ATP2B2: variants seen among roughly 807,000 people sequenced by gnomAD.
ATP2B2 encodes the protein ATPase plasma membrane Ca2+ transporting 2.
Under a neutral mutation model 120.0 loss-of-function variants are expected in ATP2B2, and 15 were observed. The ratio of observed to expected loss-of-function variants is 0.12; its 90% CI spans 0.08 to 0.19. ATP2B2 has a LOEUF of 0.19. Ranked by LOEUF, ATP2B2 falls within the 10% of genes least tolerant of loss-of-function variation. The pLI is 1.00. For synonymous variants in ATP2B2, 694 were observed against 700.3 expected, an observed-to-expected ratio of 0.99 and a Z score of 0.14; for missense variants, 1,045 against 1,719.8, an observed-to-expected ratio of 0.61 and a Z score of 6.94.
At chr3:10,667,455 C>T (rs926457037) in intron 1 of ATP2B2, among the ~76,000 whole-genome samples, 2 of 152,164 alleles carry the variant, frequency 1.3e-5, no homozygotes, top group African/African-American at 4.8e-5. Flanking sequence ...CAGGGAAAGG[C>T]TGGGTGAGAA....
chr3:10,580,343 G>A lies in ATP2B2; in HGVS notation c.-415+39574C>T, dbSNP rs562200790. On this transcript the variant is annotated intron_variant, in intron 2 of 21. Transcript: ENST00000646379. ...TCAGTTTCCCTGCTCCACTGGAACCGAAGCTCTTATGAGGGCAGGGGTTTC... is the reference window on the plus strand; with the variant it reads ...TCAGTTTCCCTGCTCCACTGGAACCAAAGCTCTTATGAGGGCAGGGGTTTC... Among the ~76,000 whole-genome samples, 32 of 152,266 alleles carry A rather than the reference G, an allele frequency of 2.1e-4. No homozygotes were observed. In the South Asian group the frequency reaches 6.0e-3, roughly 29 times the overall value.
At chr3:10,444,479 C>T (rs2063771116) in intron 2 of ATP2B2, among the ~76,000 whole-genome samples, 1 of 152,228 alleles carries the variant, frequency 6.6e-6, no homozygotes, top group South Asian at 2.1e-4. Context: ...GCTCTCTCGT[C>T]CTCCCTCAGC....
chr3:10,666,725 C>G (rs565388582), intron 1 of ATP2B2, among the ~76,000 whole-genome samples: 2 of 152,198 alleles, frequency 1.3e-5, no homozygotes, highest in East Asian at 3.9e-4. Context: ...CCTCCAGCTC[C>G]GGAGGCCCCT....
At chr3:10,673,806 CAAAAAAAAA>C (rs549651187) in intron 1 of ATP2B2, among the ~76,000 whole-genome samples, 15 of 73,780 alleles carry the variant, frequency 2.0e-4, no homozygotes, top group Admixed American at 1.5e-3. Context: ...GACCCTGTTT[CAAAAAAAAA>C]AAAAAAAAAA....
intron 3 of ATP2B2, among the ~76,000 whole-genome samples, chr3:10,525,593 A>G (rs955821702): frequency 6.6e-6 from 1 of 151,748 alleles, no homozygotes; most frequent in Non-Finnish European, 1.5e-5. Flanking sequence ...CCAGGTCCCC[A>G]TCTAGGGTGC....
intron 2 of ATP2B2, among the ~76,000 whole-genome samples, chr3:10,594,464 A>G (rs532260887): frequency 1.3e-5 from 2 of 151,610 alleles, no homozygotes; most frequent in Non-Finnish European, 2.9e-5. Flanking sequence ...AACTATCGCA[A>G]GGACAAAAAA....
chr3:10,618,993 C>G (rs1256766236), intron 2 of ATP2B2, among the ~76,000 whole-genome samples: 1 of 152,110 alleles, frequency 6.6e-6, no homozygotes, highest in Non-Finnish European at 1.5e-5. Context: ...GGCAGGCTCT[C>G]TCTTGTCAAA....
At chr3:10,351,724 T>C (rs1462094653) in intron 14 of ATP2B2, among the ~76,000 whole-genome samples, 1 of 152,206 alleles carries the variant, frequency 6.6e-6, no homozygotes. Flanking sequence ...CGGTAAGCCC[T>C]AATCCAACAG....
In ATP2B2 at chr3:10,345,501, G is replaced by A. The variant is rs2060404857; in HGVS notation, c.2586C>T (p.Val862=). 6.2e-7 allele frequency: 1 copy of A among 1,614,116 alleles called. No homozygotes were observed. The highest frequency in any genetic ancestry group is 1.7e-5 in the Admixed American group (1 of 60,014). ...ILTDDNFSSI[V]KAVMWGRNVY... The stretch of plus-strand genomic sequence containing the variant: ...CGTTGCGGCCCCACATCACTGCCTT[G>A]ACGATGCTGCTGAAATTGTCGTCTG... The change falls in exon 18 of 23, where the codon GTC becomes GTT. Residue 862 remains valine (V), a synonymous_variant. Coordinates refer to ENST00000360273, the MANE Select transcript of ATP2B2 (RefSeq NM_001001331.4).
intron 2 of ATP2B2, among the ~76,000 whole-genome samples, chr3:10,442,627 GGA>G (rs2063707280): frequency 6.6e-6 from 1 of 152,184 alleles, no homozygotes; most frequent in Non-Finnish European, 1.5e-5. Flanking sequence ...GGTGATGGGG[GGA>G]GGTGTATAAT....
intron 2 of ATP2B2, among the ~76,000 whole-genome samples, chr3:10,431,116 CA>C (rs1442004379): frequency 6.6e-6 from 1 of 152,064 alleles, no homozygotes; most frequent in African/African-American, 2.4e-5. Context: ...TATGAATGAG[CA>C]AAGTGATTTC....
intron 1 of ATP2B2, among the ~76,000 whole-genome samples, chr3:10,706,826 T>C (rs1391229900): frequency 6.6e-6 from 1 of 152,118 alleles, no homozygotes; most frequent in Non-Finnish European, 1.5e-5. Flanking sequence ...AGAGACAGTG[T>C]CCCAGAGCCC....
Position 10,375,951 on chromosome 3 carries a change from G to A in ATP2B2, c.1202-307C>T, listed in dbSNP as rs1277715806. On this transcript the variant is annotated intron_variant, in intron 10 of 22. Transcript: ENST00000360273. The surrounding 1 kb of genome is among the most constrained non-coding windows in gnomAD (Gnocchi z 4.2). Reference sequence around the variant, plus strand: ...GGCAATAGTATGTGCTCGACACATAGTAGGTGCTCAAGAGATGTGTGCCGA... The same window carrying A: ...GGCAATAGTATGTGCTCGACACATAATAGGTGCTCAAGAGATGTGTGCCGA... Among the ~76,000 whole-genome samples, 3 of 152,250 alleles carry A rather than the reference G, an allele frequency of 2.0e-5. No individual in the cohort carries two copies. The highest frequency in any genetic ancestry group is 1.9e-4 in the East Asian group (1 of 5,202).
intron 2 of ATP2B2, among the ~76,000 whole-genome samples, chr3:10,597,024 CACACACCCAG>C (rs1465842357): frequency 2.0e-5 from 3 of 150,912 alleles, no homozygotes; most frequent in African/African-American, 7.3e-5. Context: ...CGCACACAGG[CACACACCCAG>C]ACACACACAG....
At chr3:10,704,547 G>C (rs976730720) in intron 1 of ATP2B2, among the ~76,000 whole-genome samples, 1 of 152,146 alleles carries the variant, frequency 6.6e-6, no homozygotes, top group African/African-American at 2.4e-5. Context: ...CTTAGCACAG[G>C]CCACACATCC....
At chr3:10,566,207 C>G (rs986614478) in intron 2 of ATP2B2, 1 of 152,232 alleles carries the variant, frequency 6.6e-6, no homozygotes, top group African/African-American at 2.4e-5. Flanking sequence ...TGTTCACCCA[C>G]TAGTTAGTGG....
intron 1 of ATP2B2, among the ~76,000 whole-genome samples, chr3:10,485,129 G>A (rs114122942): frequency 0.017 from 2,542 of 152,244 alleles, 75 homozygotes; most frequent in African/African-American, 0.058. Flanking sequence ...AGAGGTGAGG[G>A]GGTCTTCAGG....
At chr3:10,362,399 T>TG (rs1007419908) in intron 12 of ATP2B2, among the ~76,000 whole-genome samples, 1 of 152,070 alleles carries the variant, frequency 6.6e-6, no homozygotes, top group Non-Finnish European at 1.5e-5. Context: ...CCGATTCACA[T>TG]GGGGGGAATA....
intron 1 of ATP2B2, among the ~76,000 whole-genome samples, chr3:10,465,654 C>A (rs1180546400): frequency 6.6e-6 from 1 of 152,228 alleles, no homozygotes; most frequent in Non-Finnish European, 1.5e-5. Flanking sequence ...TTACTCCCTG[C>A]CCCTGTAGAT....
Sources: gnomAD v4.1 joint callset for allele counts (sites outside exome capture counted in the v4.1 genomes callset) on GRCh38, gnomAD v4.1.1 for gene constraint, Gnocchi (gnomAD v3.1) non-coding constraint, MANE v1.5 for transcripts, NCBI Gene and HGNC (gene_info 2026-07-23, HGNC 2026-07-21) for gene names.